SGCZ: variants seen among roughly 807,000 people sequenced by gnomAD.
SGCZ encodes zeta-sarcoglycan.
SGCZ carries 40 observed loss-of-function variants against 41.3 expected under a neutral mutation model. The ratio of observed to expected loss-of-function variants is 0.97; its 90% CI spans 0.75 to 1.26. The LOEUF (loss-of-function observed/expected upper bound fraction) is 1.26. Ranked by LOEUF, SGCZ falls within the 50% of genes most tolerant of loss-of-function variation. SGCZ has a pLI of 0.00. For missense variants in SGCZ, 552 were observed against 369.8 expected (o/e 1.49, Z -4.04); for synonymous variants, 206 against 137.5 (o/e 1.50, Z -3.49).
At chr8:14,256,276 G>A (rs989264890) in intron 3 of SGCZ, among the ~76,000 whole-genome samples, 1 of 152,094 alleles carries the variant, frequency 6.6e-6, no homozygotes, top group Admixed American at 6.6e-5. Context: ...TAAGAGAGGT[G>A]CATGTATGAG....
chr8:14,792,632 A>G (rs1379725619), intron 1 of SGCZ, among the ~76,000 whole-genome samples: 1 of 152,094 alleles, frequency 6.6e-6, no homozygotes, highest in East Asian at 1.9e-4. Flanking sequence ...TTTGTTGCAT[A>G]TGTATACATA....
At chr8:14,453,712 C>T (rs930301250) in intron 2 of SGCZ, among the ~76,000 whole-genome samples, 2 of 152,188 alleles carry the variant, frequency 1.3e-5, no homozygotes, top group African/African-American at 2.4e-5. Flanking sequence ...TCAGTTTGGG[C>T]AAAAGCGAGA....
At position 14,571,255 on chromosome 8, in the gene SGCZ, C is replaced by T. The variant is rs1047330069; in HGVS notation, c.40-16329G>A. 2.0e-5 allele frequency among the ~76,000 whole-genome samples: 3 copies of T among 152,150 alleles called. No homozygotes were observed. In the South Asian group the frequency reaches 6.2e-4, roughly 31 times the overall value. On this transcript the variant is annotated intron_variant, in intron 1 of 7. Transcript: ENST00000382080. ...GCATGGGGCAAACCGCATCCATGAT[C>T]CAGTCACCTTCCACCAGGTCACTCC...
At chr8:14,724,134 A>T (rs1321195289) in intron 1 of SGCZ, among the ~76,000 whole-genome samples, 1 of 152,190 alleles carries the variant, frequency 6.6e-6, no homozygotes, top group African/African-American at 2.4e-5. Context: ...TCTTATCTTT[A>T]GTAATCATTC....
chr8:14,125,826 T>C (rs1051917451), intron 5 of SGCZ, among the ~76,000 whole-genome samples: 8 of 152,130 alleles, frequency 5.3e-5, no homozygotes, highest in African/African-American at 1.9e-4. Flanking sequence ...ACCACACCTC[T>C]ACATCCATCT....
At chr8:14,343,182 C>T (rs1489837298) in intron 2 of SGCZ, among the ~76,000 whole-genome samples, 6 of 152,246 alleles carry the variant, frequency 3.9e-5, no homozygotes, top group Non-Finnish European at 5.9e-5. Context: ...CAAAAGTTTG[C>T]TGCATGGGCA....
At chr8:15,101,301 A>G (rs1009252340) in intron 1 of SGCZ, among the ~76,000 whole-genome samples, 3 of 152,192 alleles carry the variant, frequency 2.0e-5, no homozygotes, top group Non-Finnish European at 2.9e-5. Context: ...AATGAAAAGA[A>G]AAGTCAAAGA....
intron 1 of SGCZ, among the ~76,000 whole-genome samples, chr8:15,128,277 T>C (rs1443727109): frequency 6.6e-6 from 1 of 152,218 alleles, no homozygotes; most frequent in Non-Finnish European, 1.5e-5. Context: ...TTACTCTAAA[T>C]GGAAATGCTG....
chr8:14,515,615 T>C (rs934206729), intron 2 of SGCZ, among the ~76,000 whole-genome samples: 1 of 152,138 alleles, frequency 6.6e-6, no homozygotes, highest in African/African-American at 2.4e-5. Context: ...CAGAATGCAA[T>C]AAACATCATA....
At chr8:15,078,767 T>C (rs1040723333) in intron 1 of SGCZ, among the ~76,000 whole-genome samples, 5 of 151,574 alleles carry the variant, frequency 3.3e-5, no homozygotes, top group Admixed American at 6.6e-5. Context: ...TTATCCACTA[T>C]ATGGTCTTTG....
chr8:14,748,157 G>C (rs1361420120), intron 1 of SGCZ, among the ~76,000 whole-genome samples: 2 of 152,036 alleles, frequency 1.3e-5, no homozygotes, highest in African/African-American at 4.8e-5. Context: ...ATTGTATTAA[G>C]CTCTTCTAAT....
intron 1 of SGCZ, among the ~76,000 whole-genome samples, chr8:15,140,293 G>A (rs1040015356): frequency 1.3e-5 from 2 of 152,050 alleles, no homozygotes; most frequent in African/African-American, 4.8e-5. Flanking sequence ...CCAAAGTGCT[G>A]GAATAACAGG....
chr8:14,108,296 T>G, intron 5 of SGCZ, 61 bp from the exon 6 acceptor site: 17 of 1,406,208 alleles, frequency 1.2e-5, no homozygotes, highest in East Asian at 2.3e-5. Flanking sequence ...CTTTCATCTC[T>G]ATGTTTATGC....
chr8:14,642,742 T>A (rs1807068264), intron 1 of SGCZ, among the ~76,000 whole-genome samples: 1 of 151,496 alleles, frequency 6.6e-6, no homozygotes, highest in Non-Finnish European at 1.5e-5. Context: ...GATTTATAGA[T>A]TTTTCAGTTA....
chr8:14,776,467 A>G (rs961654448), intron 1 of SGCZ, among the ~76,000 whole-genome samples: 21 of 148,792 alleles, frequency 1.4e-4, no homozygotes, highest in African/African-American at 2.7e-4. Context: ...AGTCTCGGAT[A>G]TGTCTTTATT....
chr8:15,007,471 A>G (rs1802645986), intron 1 of SGCZ, among the ~76,000 whole-genome samples: 1 of 152,260 alleles, frequency 6.6e-6, no homozygotes. Flanking sequence ...AACAGAGGGT[A>G]ATATTGAAGC....
intron 1 of SGCZ, among the ~76,000 whole-genome samples, chr8:15,111,874 T>TG (rs1807075021): frequency 6.7e-6 from 1 of 148,434 alleles, no homozygotes; most frequent in South Asian, 2.1e-4. Flanking sequence ...CACTCCAGCC[T>TG]GGCAACAGAG....
chr8:14,507,760 GT>G (rs201478451), intron 2 of SGCZ, among the ~76,000 whole-genome samples: 10,274 of 118,422 alleles, frequency 0.087, 543 homozygotes, highest in African/African-American at 0.2. Flanking sequence ...TTGTTTGTTT[GT>G]TTTTTTGTTT....
intron 5 of SGCZ, among the ~76,000 whole-genome samples, chr8:14,154,502 C>G (rs73524119): frequency 0.013 from 1,936 of 152,250 alleles, 48 homozygotes; most frequent in African/African-American, 0.045. Flanking sequence ...CTTTTGTATT[C>G]TGAAACATGT....
Sources: allele counts gnomAD v4.1 joint callset (sites outside exome capture counted in the v4.1 genomes callset), GRCh38; gene constraint gnomAD v4.1.1; transcripts MANE v1.5; gene names NCBI Gene and HGNC (gene_info 2026-07-23, HGNC 2026-07-21).